Variants in AKAP8 observed in about 807,000 individuals in gnomAD.
AKAP8 encodes the protein A-kinase anchor protein 8.
In AKAP8, 24 loss-of-function variants were observed where a neutral mutation model predicts 67.5. The observed-to-expected ratio is 0.36, with a 90% CI of 0.26 to 0.50. The LOEUF is 0.50. AKAP8 is among the 20% of genes least tolerant of loss of function. AKAP8 has a pLI of 0.97. For synonymous variants in AKAP8, 400 were observed against 371.1 expected (o/e 1.08, Z -0.90); for missense variants, 971 against 955.9 (o/e 1.02, Z -0.21).
chr19:15,371,658 T>G (rs1315403901), intron 7 of AKAP8, among the ~76,000 whole-genome samples: 1 of 151,926 alleles, frequency 6.6e-6, no homozygotes, highest in Non-Finnish European at 1.5e-5. Context: ...CTGGCTAATT[T>G]TTGTATTTTT....
In AKAP8 at chr19:15,372,942, C is replaced by A; in HGVS notation, c.770G>T (p.Gly257Val). 1.3e-6 allele frequency: 2 copies of A among 1,541,646 alleles called. No homozygotes were observed. Among genetic ancestry groups the A allele is most frequent in the Non-Finnish European group, 1.7e-6 (2 of 1,144,888 alleles). ...LFSQSMAPDY[G>V]VMGMQGAGGY... Reference sequence around the variant, plus strand: ...GCCCGCCCCCTGCATGCCCATCACGCCGTAGTCGGGAGCCATGGACTGGGA... The same window carrying A: ...GCCCGCCCCCTGCATGCCCATCACGACGTAGTCGGGAGCCATGGACTGGGA... The change falls in exon 5 of 14, where the codon GGC (glycine) becomes GTC (valine). Residue 257 changes from glycine to valine, a missense_variant. Coordinates refer to ENST00000269701, the MANE Select transcript of AKAP8 (RefSeq NM_005858.4).
intron 12 of AKAP8, among the ~76,000 whole-genome samples, chr19:15,359,277 G>A (rs1966926241): frequency 6.6e-6 from 1 of 152,220 alleles, no homozygotes; most frequent in Non-Finnish European, 1.5e-5. Context: ...ATGCAAAGAT[G>A]CACCACTGAT....
chr19:15,374,446 A>G (rs1174616886), intron 3 of AKAP8, among the ~76,000 whole-genome samples, 157 bp downstream of exon 3: 1 of 152,086 alleles, frequency 6.6e-6, no homozygotes, highest in Non-Finnish European at 1.5e-5. Context: ...AGCCCTCTGC[A>G]GTCCCCCCAT....
At chr19:15,361,940 G>T in intron 10 of AKAP8, 118 bp from the exon 11 acceptor site, 2 of 1,342,340 alleles carry the variant, frequency 1.5e-6, no homozygotes, top group South Asian at 1.3e-5. Context: ...AGCACAGCAC[G>T]ATGGCTGGAG....
rs944087213 is a variant in AKAP8 at position 15,354,691 on chromosome 19, G to A, written c.*224C>T. On this transcript the variant is annotated 3_prime_UTR_variant, in exon 14 of 14. Transcript: ENST00000269701. ...TACTGTCAAGAGACATGTTACAGCC[G>A]CTAAGGACAATGTACTTCAGCTTTG... 2.7e-5 allele frequency: 16 copies of A among 583,046 alleles called. No homozygotes were observed. The highest frequency in any genetic ancestry group is 7.5e-5 in the African/African-American group (4 of 53,668). The allele number at this position is 583,046 out of a possible 1,614,324, so 36.1% of individuals were successfully genotyped here. A position where few individuals can be genotyped will look rare whatever the true frequency, so the allele number is the denominator to read the frequency against.
intron 7 of AKAP8, 138 bp from the exon 8 acceptor site, chr19:15,370,317 G>A: frequency 1.1e-6 from 1 of 941,616 alleles, no homozygotes; most frequent in Non-Finnish European, 1.7e-6. Context: ...ATGAGCCACA[G>A]TGTGTTAGGA....
intron 13 of AKAP8, among the ~76,000 whole-genome samples, chr19:15,357,604 CA>C (rs936940793): frequency 4.8e-5 from 7 of 146,088 alleles, no homozygotes; most frequent in Admixed American, 1.4e-4. Context: ...GACCCTGACT[CA>C]AAAAAAAAGA....
chr19:15,361,663 T>C (rs1299038673), intron 11 of AKAP8, 66 bp downstream of exon 11: 13 of 1,468,180 alleles, frequency 8.9e-6, no homozygotes, highest in Non-Finnish European at 1.2e-5. Flanking sequence ...CGTGCCACGT[T>C]TTACGGGTCC....
Position 15,355,144 on chromosome 19 carries a change from C to A in AKAP8, c.1850G>T (p.Ser617Ile). ...EGPTDTAEAGSDPQAEQLLEE... is the reference protein window; with the variant it reads ...EGPTDTAEAGIDPQAEQLLEE... The stretch of plus-strand genomic sequence containing the variant: ...CAGCAGCTGTTCGGCTTGAGGATCA[C>A]TACCGGCCTCCGCTGTGTCCGTGGG... Residue 617 changes from serine to isoleucine, a missense_variant, in exon 14 of 14, where the codon AGT becomes ATT. Ser to Ile is a moderately radical substitution (Grantham distance 142). Coordinates refer to ENST00000269701, the MANE Select transcript of AKAP8 (RefSeq NM_005858.4). The A allele has an allele frequency of 6.2e-7, 1 of 1,613,322 alleles. No homozygotes were observed.
At chr19:15,376,148 A>C (rs942848008) in intron 2 of AKAP8, among the ~76,000 whole-genome samples, 1 of 151,808 alleles carries the variant, frequency 6.6e-6, no homozygotes, top group African/African-American at 2.4e-5. Flanking sequence ...TCGAACTCCC[A>C]GGCTCAAGTG....
Position 15,373,031 on chromosome 19 carries a change from C to T in AKAP8, c.681G>A (p.Leu227=). The change falls in exon 5 of 14, where the codon CTG becomes CTA. Residue 227 remains leucine (L), a synonymous_variant. Coordinates refer to ENST00000269701, the MANE Select transcript of AKAP8 (RefSeq NM_005858.4). ...CCAGGCCCCGTCCACCCACGTAGTT[C>T]AGCTCGTTCCAGGGCGTGGACAGGG... ...SEPLSTPWNE[L]NYVGGRGLGG... 1 of 1,593,176 alleles carries T rather than the reference C, an allele frequency of 6.3e-7. No individual in the cohort carries two copies. The highest frequency in any genetic ancestry group is 8.6e-7 in the Non-Finnish European group (1 of 1,167,684).
Position 15,370,127 on chromosome 19 carries a change from G to A in AKAP8, c.1072+19C>T. On this transcript the variant is annotated intron_variant, in intron 8 of 13. Coordinates refer to ENST00000269701, the MANE Select transcript of AKAP8 (RefSeq NM_005858.4). The stretch of plus-strand genomic sequence containing the variant: ...CTGGGAAGACACAGGAAAGCTGCAA[G>A]GGACACGGTGATGCCTACCTCTTTG... The A allele has an allele frequency of 6.2e-7, 1 of 1,614,068 alleles. No individual in the cohort carries two copies. The highest frequency in any genetic ancestry group is 8.5e-7 in the Non-Finnish European group (1 of 1,179,936).
Position 15,369,840 on chromosome 19 carries a change from T to C in AKAP8, c.1072+306A>G, listed in dbSNP as rs555980938. 1.9e-4 allele frequency among the ~76,000 whole-genome samples: 29 copies of C among 152,260 alleles called. No homozygotes were observed. The highest frequency in any genetic ancestry group is 6.2e-4 in the South Asian group (3 of 4,826). ...CACAGAAGATGGGCTGGGGGCCTCT[T>C]CTCTCATGTTTCTCCTTCCCTACAA... On this transcript the variant is annotated intron_variant, in intron 8 of 13. Transcript: ENST00000269701. The surrounding 1 kb of genome is among the most constrained non-coding windows in gnomAD (Gnocchi z 4.6).
chr19:15,374,455 A>G, intron 3 of AKAP8, 148 bp downstream of exon 3: 1 of 946,884 alleles, frequency 1.1e-6, no homozygotes, highest in Non-Finnish European at 1.5e-6. Flanking sequence ...CAGTCCCCCC[A>G]TATACACAAC....
In AKAP8 at chr19:15,373,843, T is replaced by C. The variant is rs1967205390; in HGVS notation, c.314A>G (p.Lys105Arg). Residue 105 changes from lysine to arginine, a missense_variant, in exon 4 of 14, where the codon AAG (lysine) becomes AGG (arginine). By Grantham distance (26) the Lys-to-Arg change is conservative. This residue lies in a region of AKAP8 where 763 missense variants were observed against 745.4 expected (regional missense o/e 1.02). Coordinates refer to ENST00000269701, the MANE Select transcript of AKAP8 (RefSeq NM_005858.4). ...GCCGCTCCCGCCCCTGCCTCCTTCC[T>C]TGGACATCATGTCCAAACGCTGGTT... ...KINQRLDMMS[K>R]EGGRGGSGGG... 1 of 1,612,432 alleles carries C rather than the reference T, an allele frequency of 6.2e-7. No individual in the cohort carries two copies. The highest frequency in any genetic ancestry group is 8.5e-7 in the Non-Finnish European group (1 of 1,179,920).
chr19:15,355,592 G>A (rs948966212), intron 13 of AKAP8, among the ~76,000 whole-genome samples: 1 of 150,820 alleles, frequency 6.6e-6, no homozygotes, highest in African/African-American at 2.4e-5. Flanking sequence ...GAGTCTCGCT[G>A]TTGCCCAGGC....
intron 9 of AKAP8, among the ~76,000 whole-genome samples, chr19:15,366,061 T>A (rs1599563359): frequency 7.8e-6 from 1 of 128,522 alleles, no homozygotes; most frequent in Non-Finnish European, 1.6e-5. Flanking sequence ...AGATCCTCAG[T>A]CACTAGCGCA....
In AKAP8 at chr19:15,372,442, G is replaced by A. The variant is rs554819337; in HGVS notation, c.862-95C>T. On this transcript the variant is annotated intron_variant, in intron 5 of 13. Coordinates refer to ENST00000269701, the MANE Select transcript of AKAP8 (RefSeq NM_005858.4). ...GGAGGTTGTAGGATCAGACAACACA[G>A]GCACAAAAGGTCTTTTCAAAAAGCA... is the stretch of plus-strand genomic sequence containing the variant. 6.0e-5 allele frequency: 90 copies of A among 1,488,146 alleles called. No homozygotes were observed. In the South Asian group the frequency reaches 1.0e-3, roughly 17 times the overall value. 92.2% of individuals were successfully genotyped at this position (1,488,146 alleles called of 1,614,324 possible). A position where few individuals can be genotyped will look rare whatever the true frequency, so the allele number is the denominator to read the frequency against.
chr19:15,356,273 C>T (rs1030858137), intron 13 of AKAP8, among the ~76,000 whole-genome samples: 3 of 151,796 alleles, frequency 2.0e-5, no homozygotes, highest in Non-Finnish European at 2.9e-5. Flanking sequence ...GGCATGGTGG[C>T]GAGCGCCTGT....
Sources: allele counts gnomAD v4.1 joint callset (sites outside exome capture counted in the v4.1 genomes callset), GRCh38; gene constraint gnomAD v4.1.1; regional missense constraint gnomAD v4.1.1; non-coding constraint Gnocchi (gnomAD v3.1); transcripts MANE v1.5; gene names NCBI Gene and HGNC (gene_info 2026-07-23, HGNC 2026-07-21).